Variants in KLHL22 observed in about 807,000 individuals in gnomAD.
KLHL22 encodes kelch like family member 22.
Under a neutral mutation model 60.7 loss-of-function variants are expected in KLHL22, and 18 were observed. The observed-to-expected ratio is 0.30, with a 90% CI of 0.20 to 0.44. KLHL22 has a LOEUF of 0.44. KLHL22 is among the 20% of genes least tolerant of loss of function. The pLI is 1.00. For missense variants in KLHL22, 596 were observed against 852.3 expected (o/e 0.70, Z 3.74); for synonymous variants, 355 against 354.5 (o/e 1.00, Z -0.01).
rs780696914 is a variant in KLHL22, at chr22:20,465,072, C to T, written c.898G>A (p.Val300Ile). 22 of 1,612,774 alleles carry T rather than the reference C, an allele frequency of 1.4e-5. No homozygotes were observed. The highest frequency in any genetic ancestry group is 4.5e-5 in the East Asian group (2 of 44,868). The change falls in exon 4 of 7, where the codon GTT (valine) becomes ATT (isoleucine). Residue 300 changes from valine to isoleucine, a missense_variant. Coordinates refer to ENST00000328879, the MANE Select transcript of KLHL22 (RefSeq NM_032775.4). The surrounding 1 kb of genome is among the most constrained non-coding windows in gnomAD (Gnocchi z 4.9). ...QTELRSDFQC[V>I]VGFGGIHSTP... is the part of the protein sequence containing the mutation. ...GAGTGAATGCCCCCGAAGCCCACAA[C>T]GCACTGGAAGTCCGACCGCAGCTCC...
chr22:20,489,683 G>A (rs2053650808), intron 1 of KLHL22: 5 of 471,082 alleles, frequency 1.1e-5, no homozygotes, highest in South Asian at 7.7e-5. Context: ...CACACACCAG[G>A]TTCTCAAGAG....
intron 3 of KLHL22, among the ~76,000 whole-genome samples, chr22:20,467,904 C>T (rs1035958412): frequency 3.9e-5 from 6 of 152,218 alleles, no homozygotes; most frequent in Non-Finnish European, 7.3e-5. Context: ...GTGATCTGCC[C>T]GCCTAGGCCT....
At chr22:20,449,069 GTTTT>G (rs869288014) in intron 5 of KLHL22, among the ~76,000 whole-genome samples, 6 of 143,038 alleles carry the variant, frequency 4.2e-5, no homozygotes, top group South Asian at 2.2e-4. Context: ...TGTTTTGTTT[GTTTT>G]TTTTTGAGAC....
chr22:20,495,620 C>G lies in KLHL22; in HGVS notation c.-34+140G>C, dbSNP rs2053756912. ...CGGGCTCTCCTCAGGTCGCCGCCCCCGAGCCTCCGGCCCGCGCCCGCCCCC... is the reference window on the plus strand; with the variant it reads ...CGGGCTCTCCTCAGGTCGCCGCCCCGGAGCCTCCGGCCCGCGCCCGCCCCC... On this transcript the variant is annotated intron_variant, in intron 1 of 6. Transcript: ENST00000328879. The surrounding 1 kb of genome is among the most constrained non-coding windows in gnomAD (Gnocchi z 4.6). 1 of 150,788 alleles carries G rather than the reference C, an allele frequency of 6.6e-6. No homozygotes were observed. Among genetic ancestry groups the G allele is most frequent in the African/African-American group, 2.4e-5 (1 of 41,156 alleles). 9.3% of individuals were successfully genotyped at this position (150,788 alleles called of 1,614,324 possible).
chr22:20,483,187 C>A, intron 2 of KLHL22: 1 of 640,656 alleles, frequency 1.6e-6, no homozygotes, highest in Non-Finnish European at 2.8e-6. Context: ...CCAGGTTGAT[C>A]TCCAAGGACT....
intron 2 of KLHL22, among the ~76,000 whole-genome samples, chr22:20,472,293 A>G (rs747490304): frequency 1.3e-5 from 2 of 151,938 alleles, no homozygotes; most frequent in Non-Finnish European, 2.9e-5. Context: ...GTTATAGTGA[A>G]GTAAACTGGT....
intron 2 of KLHL22, among the ~76,000 whole-genome samples, chr22:20,472,650 CG>C (rs2053346699): frequency 1.3e-5 from 2 of 151,592 alleles, no homozygotes; most frequent in East Asian, 3.9e-4. Context: ...CGCTTGAACC[CG>C]GGAGGCGGAG....
At chr22:20,483,314 G>A in intron 2 of KLHL22, 2 of 719,656 alleles carry the variant, frequency 2.8e-6, no homozygotes, top group Admixed American at 1.8e-5. Flanking sequence ...TCCAGCTCCT[G>A]TCGTTTCTTC....
At chr22:20,483,732 G>T in intron 2 of KLHL22, 1 of 736,434 alleles carries the variant, frequency 1.4e-6, no homozygotes. Flanking sequence ...AATGCCTCCA[G>T]TCTCTGATCT....
chr22:20,485,945 A>G (rs1008423307), intron 2 of KLHL22, among the ~76,000 whole-genome samples: 3 of 151,424 alleles, frequency 2.0e-5, no homozygotes, highest in African/African-American at 4.9e-5. Flanking sequence ...AAGGAGGGCA[A>G]ATCACAAGGT....
intron 1 of KLHL22, among the ~76,000 whole-genome samples, chr22:20,492,609 A>T (rs78734694): frequency 3.4e-5 from 5 of 146,950 alleles, no homozygotes; most frequent in African/African-American, 7.5e-5. Context: ...TTTTTTTTTT[A>T]GACGGAGTCT....
Position 20,441,700 on chromosome 22 carries a change from T to A in KLHL22, c.*373A>T. 4.9e-6 allele frequency: 1 copy of A among 204,712 alleles called. No individual in the cohort carries two copies. Among genetic ancestry groups the A allele is most frequent in the Non-Finnish European group, 1.1e-5 (1 of 92,964 alleles). 12.7% of individuals were successfully genotyped at this position (204,712 alleles called of 1,614,324 possible). Reference sequence around the variant, plus strand: ...CAGCTGCCCCCACAGCCCCACCCCATTCACAGAAAGAGGGCTACCACGTGC... The same window carrying A: ...CAGCTGCCCCCACAGCCCCACCCCAATCACAGAAAGAGGGCTACCACGTGC... On this transcript the variant is annotated 3_prime_UTR_variant, in exon 7 of 7. Coordinates refer to ENST00000328879, the MANE Select transcript of KLHL22 (RefSeq NM_032775.4).
At chr22:20,462,132 C>T (rs1473366956) in intron 4 of KLHL22, among the ~76,000 whole-genome samples, 1 of 151,064 alleles carries the variant, frequency 6.6e-6, no homozygotes, top group Non-Finnish European at 1.5e-5. Context: ...AAAAAATTAG[C>T]TGGGCGTGGT....
intron 3 of KLHL22, among the ~76,000 whole-genome samples, chr22:20,468,458 C>T (rs992210383): frequency 3.3e-5 from 5 of 152,152 alleles, no homozygotes; most frequent in African/African-American, 1.2e-4. Flanking sequence ...TTGGGGTAAC[C>T]CAATAGGACA....
rs1341580889 is a variant in KLHL22 at position 20,465,313 on chromosome 22, G to C, written c.657C>G (p.Leu219=). 2 of 1,614,164 alleles carry C rather than the reference G, an allele frequency of 1.2e-6. No homozygotes were observed. The highest frequency in any genetic ancestry group is 3.3e-5 in the Admixed American group (2 of 60,028). ...CETEVYEGAL[L]YHYSLEQVQA... Reference sequence around the variant, plus strand: ...GCACCTGCTCCAGGCTATAATGGTAGAGAAGGGCCCCCTCATATACCTCGG... The same window carrying C: ...GCACCTGCTCCAGGCTATAATGGTACAGAAGGGCCCCCTCATATACCTCGG... Residue 219 remains leucine (L), a synonymous_variant, in exon 4 of 7, where the codon CTC becomes CTG. Coordinates refer to ENST00000328879, the MANE Select transcript of KLHL22 (RefSeq NM_032775.4). This position sits in a 1 kb window ranked among gnomAD's most constrained non-coding sequence, Gnocchi z 4.9.
intron 3 of KLHL22, among the ~76,000 whole-genome samples, chr22:20,469,778 G>T (rs369077627): frequency 1.5e-3 from 227 of 149,946 alleles, no homozygotes; most frequent in African/African-American, 5.4e-3. Flanking sequence ...GACTTGAGTT[G>T]TTTTTTTTTA....
At chr22:20,480,203 A>G (rs1014521003) in intron 2 of KLHL22, among the ~76,000 whole-genome samples, 6 of 152,170 alleles carry the variant, frequency 3.9e-5, no homozygotes, top group Non-Finnish European at 8.8e-5. Context: ...GGGGTAAAGG[A>G]GAAAAGGGAG....
chr22:20,471,344 C>A lies in KLHL22; in HGVS notation c.393+6G>T, dbSNP rs2053324128. 1 of 1,612,450 alleles carries A rather than the reference C, an allele frequency of 6.2e-7. No homozygotes were observed. The highest frequency in any genetic ancestry group is 1.1e-5 in the South Asian group (1 of 90,920). ...GGTCTGCCTTGCTAGATGAGACATGCCTCACCTGAAGCTGGCAGGCAGCCA... is the reference window on the plus strand; with the variant it reads ...GGTCTGCCTTGCTAGATGAGACATGACTCACCTGAAGCTGGCAGGCAGCCA... On this transcript the variant is annotated splice_donor_region_variant and intron_variant, in intron 3 of 6. Coordinates refer to ENST00000328879, the MANE Select transcript of KLHL22 (RefSeq NM_032775.4).
chr22:20,472,280 G>A (rs1019296997), intron 2 of KLHL22, among the ~76,000 whole-genome samples: 1 of 151,666 alleles, frequency 6.6e-6, no homozygotes, highest in Non-Finnish European at 1.5e-5. Flanking sequence ...AAGAGCAAAA[G>A]GAGTTATAGT....
Sources: allele counts gnomAD v4.1 joint callset (sites outside exome capture counted in the v4.1 genomes callset), GRCh38; gene constraint gnomAD v4.1.1; non-coding constraint Gnocchi (gnomAD v3.1); transcripts MANE v1.5; gene names NCBI Gene and HGNC (gene_info 2026-07-23, HGNC 2026-07-21).